RASSF3: variants seen among roughly 807,000 people sequenced by gnomAD.
The protein encoded by RASSF3 is Ras association domain family member 3.
A neutral mutation model predicts 19.9 loss-of-function variants in RASSF3; 19 were observed. That is an observed-to-expected ratio of 0.96 (90% CI 0.67 to 1.40). RASSF3 has a LOEUF of 1.40. Ranked by LOEUF, RASSF3 falls within the 40% of genes most tolerant of loss-of-function variation. RASSF3 has a pLI of 0.00. For synonymous variants in RASSF3, 110 were observed against 104.2 expected, an observed-to-expected ratio of 1.06 and a Z score of -0.34; for missense variants, 306 against 289.8, an observed-to-expected ratio of 1.06 and a Z score of -0.41.
At chr12:64,656,028 GA>G (rs11356200) in intron 1 of RASSF3, among the ~76,000 whole-genome samples, 50,615 of 108,670 alleles carry the variant, frequency 0.47, 9,067 homozygotes, top group Middle Eastern at 0.52. Flanking sequence ...CTTTGTCTCA[GA>G]AAAAAAAAAA....
chr12:64,656,807 T>C (rs1263553707), intron 1 of RASSF3, among the ~76,000 whole-genome samples: 1 of 152,210 alleles, frequency 6.6e-6, no homozygotes, highest in Non-Finnish European at 1.5e-5. Flanking sequence ...GTCATTAAAG[T>C]AGCAGTCTAA....
chr12:64,518,569 T>C (rs1868407221), intron 1 of RASSF3, among the ~76,000 whole-genome samples: 1 of 152,184 alleles, frequency 6.6e-6, no homozygotes, highest in African/African-American at 2.4e-5. Flanking sequence ...CATCCCCACA[T>C]TGGGGATTAC....
intron 1 of RASSF3, among the ~76,000 whole-genome samples, chr12:64,617,589 G>T (rs1870594537): frequency 6.6e-6 from 1 of 152,168 alleles, no homozygotes; most frequent in Non-Finnish European, 1.5e-5. Context: ...ACGGAGTCTT[G>T]CTCTGTCACC....
chr12:64,507,157 A>G (rs1182002804), exon 1 of RASSF3: 1 of 398,486 alleles, frequency 2.5e-6, no homozygotes, highest in African/African-American at 2.1e-5. Flanking sequence ...TGTGCTCCTC[A>G]TCCATGCTCT....
At chr12:64,547,963 T>C (rs1473158714) in intron 2 of RASSF3, among the ~76,000 whole-genome samples, 6 of 152,184 alleles carry the variant, frequency 3.9e-5, no homozygotes, top group Non-Finnish European at 8.8e-5. Context: ...TCCTCTCTTT[T>C]TTCAGTGTCC....
chr12:64,695,675 A>G lies in RASSF3; in HGVS notation c.*763A>G, dbSNP rs1868345936. The stretch of plus-strand genomic sequence containing the variant: ...GGAACAGAGCCAGAGGCAGGAGCTA[A>G]ACCAAAAGGAGGGACCCATGAACTC... On this transcript the variant is annotated 3_prime_UTR_variant, in exon 5 of 5. Transcript: ENST00000542104. 2 of 152,366 alleles carry G rather than the reference A, an allele frequency of 1.3e-5. No individual in the cohort carries two copies. Among genetic ancestry groups the G allele is most frequent in the South Asian group, 4.1e-4 (2 of 4,832 alleles). The allele number at this position is 152,366 out of a possible 1,614,324, so 9.4% of individuals were successfully genotyped here.
At chr12:64,659,247 G>C (rs1336828229) in intron 1 of RASSF3, among the ~76,000 whole-genome samples, 1 of 152,164 alleles carries the variant, frequency 6.6e-6, no homozygotes, top group African/African-American at 2.4e-5. Context: ...GAGAGGTGGA[G>C]TCAGAGGTGA....
intron 1 of RASSF3, among the ~76,000 whole-genome samples, chr12:64,676,257 A>T (rs1419804065): frequency 1.4e-5 from 2 of 148,128 alleles, no homozygotes; most frequent in African/African-American, 5.0e-5. Context: ...CCAGGGTTCA[A>T]GCGATTCTCC....
chr12:64,645,130 T>C (rs1428942953), intron 1 of RASSF3, among the ~76,000 whole-genome samples: 1 of 152,188 alleles, frequency 6.6e-6, no homozygotes, highest in Non-Finnish European at 1.5e-5. Flanking sequence ...CAACAAATAT[T>C]GAACACCTGC....
chr12:64,655,471 T>TA (rs113642000), intron 1 of RASSF3, among the ~76,000 whole-genome samples: 13 of 151,998 alleles, frequency 8.6e-5, no homozygotes, highest in African/African-American at 2.4e-4. Flanking sequence ...TACATATATA[T>TA]TTTTTTTTCC....
intron 1 of RASSF3, among the ~76,000 whole-genome samples, chr12:64,656,246 T>C (rs1054702176): frequency 6.6e-6 from 1 of 152,060 alleles, no homozygotes; most frequent in Admixed American, 6.6e-5. Flanking sequence ...CATGTAGGAG[T>C]ATATGAATAT....
intron 1 of RASSF3, among the ~76,000 whole-genome samples, chr12:64,641,404 A>G (rs56136505): frequency 0.19 from 26,721 of 140,078 alleles, 3,021 homozygotes; most frequent in South Asian, 0.33. Context: ...TCACAGGCGC[A>G]CACACACACA....
At chr12:64,622,168 A>G (rs1870796486) in intron 1 of RASSF3, among the ~76,000 whole-genome samples, 2 of 151,354 alleles carry the variant, frequency 1.3e-5, no homozygotes, top group Admixed American at 1.3e-4. Flanking sequence ...TTCCTGCCTC[A>G]GCCTCCTGAG....
intron 1 of RASSF3, among the ~76,000 whole-genome samples, chr12:64,667,231 A>G (rs1302567617): frequency 6.6e-6 from 1 of 152,170 alleles, no homozygotes; most frequent in African/African-American, 2.4e-5. Context: ...AGGGGAACAC[A>G]TTTATTTTGT....
intron 1 of RASSF3, among the ~76,000 whole-genome samples, chr12:64,653,625 C>T (rs897197817): frequency 8.0e-5 from 12 of 150,792 alleles, no homozygotes; most frequent in Admixed American, 2.0e-4. Flanking sequence ...AGTGCATTGG[C>T]GCAAACATGG....
chr12:64,689,913 G>C (rs926891086), intron 3 of RASSF3, among the ~76,000 whole-genome samples: 1 of 144,942 alleles, frequency 6.9e-6, no homozygotes, highest in Admixed American at 7.0e-5. Flanking sequence ...TCAGCCTCCC[G>C]AGTAGCTGGG....
intron 2 of RASSF3, among the ~76,000 whole-genome samples, chr12:64,557,126 C>T (rs1300391049): frequency 6.6e-6 from 1 of 152,080 alleles, no homozygotes; most frequent in Non-Finnish European, 1.5e-5. Context: ...TATGAGCCAC[C>T]GTGCCCAGCT....
intron 1 of RASSF3, among the ~76,000 whole-genome samples, chr12:64,684,013 A>AGTGTGTGTGT (rs10598381): frequency 0.017 from 2,332 of 138,414 alleles, 70 homozygotes; most frequent in African/African-American, 0.057. Flanking sequence ...AGAGAGAGTG[A>AGTGTGTGTGT]GTGTGTGTGT....
At chr12:64,625,116 G>T (rs1870941325) in intron 1 of RASSF3, among the ~76,000 whole-genome samples, 1 of 152,068 alleles carries the variant, frequency 6.6e-6, no homozygotes, top group African/African-American at 2.4e-5. Flanking sequence ...GCAGGAAATT[G>T]GAAATTAGGT....
Sources: gnomAD v4.1 joint callset for allele counts (sites outside exome capture counted in the v4.1 genomes callset) on GRCh38, gnomAD v4.1.1 for gene constraint, MANE v1.5 for transcripts, NCBI Gene and HGNC (gene_info 2026-07-23, HGNC 2026-07-21) for gene names.